The following TNKS variants were observed in gnomAD, a reference collection of about 807,000 sequenced individuals.
The protein encoded by TNKS is poly [ADP-ribose] polymerase tankyrase-1.
A neutral mutation model predicts 135.8 loss-of-function variants in TNKS; 72 were observed. The observed-to-expected ratio is 0.53, with a 90% confidence interval of 0.44 to 0.64. The LOEUF is 0.64. Among genes scored for constraint, TNKS ranks in the 30% least tolerant of loss-of-function variants. The probability of loss-of-function intolerance (pLI) is 0.00; values close to 1 mark genes in which losing one functional copy is unlikely to be tolerated. For missense variants in TNKS, 1,769 were observed against 1,674.0 expected, an observed-to-expected ratio of 1.06 and a Z score of -0.99; for synonymous variants, 849 against 649.3, an observed-to-expected ratio of 1.31 and a Z score of -4.68.
In TNKS at chr8:9,706,172, C is replaced by A; in HGVS notation, c.1203-15C>A. ...TTTGAAATTTAAGTATTTTAATTTG[C>A]CTCTTTTCATTTAGTGGACTTGTGC... On this transcript the variant is annotated splice_polypyrimidine_tract_variant and intron_variant, in intron 6 of 26. Coordinates refer to ENST00000310430, the MANE Select transcript of TNKS (RefSeq NM_003747.3). The A allele has an allele frequency of 2.6e-6, 4 of 1,552,140 alleles. No homozygotes were observed. The highest frequency in any genetic ancestry group is 1.3e-5 in the South Asian group (1 of 76,780).
intron 3 of TNKS, among the ~76,000 whole-genome samples, chr8:9,629,080 T>C (rs947685900): frequency 6.6e-6 from 1 of 152,232 alleles, no homozygotes; most frequent in Non-Finnish European, 1.5e-5. Context: ...CATTCTGATT[T>C]ATACTAGGTC....
At chr8:9,659,099 A>C (rs1175175023) in intron 3 of TNKS, among the ~76,000 whole-genome samples, 2 of 152,152 alleles carry the variant, frequency 1.3e-5, no homozygotes, top group Admixed American at 6.6e-5. Context: ...TCCTTAGTGA[A>C]GTACAAAGAG....
In TNKS at chr8:9,768,271, A is replaced by G. The variant is rs78442580; in HGVS notation, c.3741-1835A>G. Among the ~76,000 whole-genome samples the G allele has an allele frequency of 9.8e-4, 150 of 152,308 alleles. No homozygotes were observed. The East Asian group carries it at 0.028, about 28-fold the overall frequency. Reference sequence around the variant, plus strand: ...CCCAAAAGGAACTGAGGTGGAGAAGACAGCAGAGCAACCGCAGTGAGGTGC... The same window carrying G: ...CCCAAAAGGAACTGAGGTGGAGAAGGCAGCAGAGCAACCGCAGTGAGGTGC... On this transcript the variant is annotated intron_variant, in intron 25 of 26. Coordinates refer to ENST00000310430, the MANE Select transcript of TNKS (RefSeq NM_003747.3).
At chr8:9,560,493 CTTTTT>C (rs535715245) in intron 1 of TNKS, among the ~76,000 whole-genome samples, 19 of 42,304 alleles carry the variant, frequency 4.5e-4, no homozygotes, top group East Asian at 5.8e-4. Context: ...CCATACTTGT[CTTTTT>C]TTTTTTTTTT....
At chr8:9,735,182 A>G in intron 16 of TNKS, 98 bp downstream of exon 16, 1 of 1,253,978 alleles carries the variant, frequency 8.0e-7, no homozygotes, top group South Asian at 1.5e-5. Flanking sequence ...AAATGGGACT[A>G]CTTAGTAAAA....
At chr8:9,624,525 A>G (rs549565835) in intron 3 of TNKS, among the ~76,000 whole-genome samples, 2 of 152,364 alleles carry the variant, frequency 1.3e-5, no homozygotes, top group South Asian at 2.1e-4. Flanking sequence ...AACACCTTGC[A>G]GAACTGTAGT....
chr8:9,592,098 C>G (rs1200138826), intron 2 of TNKS, among the ~76,000 whole-genome samples: 1 of 152,152 alleles, frequency 6.6e-6, no homozygotes, highest in East Asian at 1.9e-4. Flanking sequence ...AAATAATTAT[C>G]TAAAATATGC....
At chr8:9,602,473 C>T (rs532226334) in intron 2 of TNKS, among the ~76,000 whole-genome samples, 1 of 152,304 alleles carries the variant, frequency 6.6e-6, no homozygotes, top group Admixed American at 6.5e-5. Flanking sequence ...TTCCCATCCT[C>T]TCTTGTTCCC....
Position 9,763,216 on chromosome 8 carries a change from A to G in TNKS, c.3344A>G (p.Asp1115Gly). The G allele has an allele frequency of 6.2e-7, 1 of 1,608,044 alleles. No individual in the cohort carries two copies. Residue 1115 changes from aspartate (D) to glycine (G), a missense_variant, in exon 22 of 27, where the codon GAT becomes GGT. Asp to Gly is a moderately conservative substitution (Grantham distance 94). Transcript: ENST00000310430. ...ATTTTGCTGGATCTTGCTCCAGAAGATAAAGAATATCAGTCAGTGGAAGAA... is the reference window on the plus strand; with the variant it reads ...ATTTTGCTGGATCTTGCTCCAGAAGGTAAAGAATATCAGTCAGTGGAAGAA... ...GTILLDLAPE[D>G]KEYQSVEEEM...
chr8:9,624,042 A>C (rs557383350), intron 3 of TNKS, among the ~76,000 whole-genome samples: 1 of 139,250 alleles, frequency 7.2e-6, no homozygotes, highest in Admixed American at 7.2e-5. Flanking sequence ...CAACAACAAA[A>C]AACAACTAAC....
At chr8:9,731,460 C>CAAAAAAAAAAA (rs36213271) in intron 14 of TNKS, among the ~76,000 whole-genome samples, 1 of 67,508 alleles carries the variant, frequency 1.5e-5, no homozygotes, top group Non-Finnish European at 2.8e-5. Flanking sequence ...AATTCCATCT[C>CAAAAAAAAAAA]AAAAAAAAAA....
intron 17 of TNKS, chr8:9,741,265 C>T (rs1046276304): frequency 2.6e-5 from 4 of 153,282 alleles, no homozygotes; most frequent in South Asian, 4.1e-4. Context: ...CCAATGGGAT[C>T]GGTAGAACTG....
At chr8:9,760,558 G>A (rs527439065) in intron 20 of TNKS, among the ~76,000 whole-genome samples, 80 of 152,222 alleles carry the variant, frequency 5.3e-4, no homozygotes, top group Non-Finnish European at 8.2e-4. Context: ...CCAAGGCAGG[G>A]GAAAATCAAA....
intron 3 of TNKS, among the ~76,000 whole-genome samples, chr8:9,634,273 A>C (rs554936296): frequency 8.1e-4 from 124 of 152,192 alleles, no homozygotes; most frequent in African/African-American, 2.8e-3. Flanking sequence ...ACATATTAAA[A>C]AATAAAATTA....
chr8:9,771,249 G>T (rs1221790894), intron 26 of TNKS, among the ~76,000 whole-genome samples: 1 of 141,020 alleles, frequency 7.1e-6, no homozygotes, highest in Non-Finnish European at 1.6e-5. Flanking sequence ...AAAGGAGGGA[G>T]GGAGGAAGGA....
chr8:9,593,959 T>C (rs1019730576), intron 2 of TNKS, among the ~76,000 whole-genome samples: 32 of 152,118 alleles, frequency 2.1e-4, no homozygotes, highest in African/African-American at 7.7e-4. Flanking sequence ...CGATCTCAGC[T>C]CACTGGAACC....
chr8:9,690,382 T>G (rs1398966891), intron 5 of TNKS, among the ~76,000 whole-genome samples: 2 of 152,230 alleles, frequency 1.3e-5, no homozygotes, highest in African/African-American at 4.8e-5. Context: ...TGTTCAATCT[T>G]ATCTGCTCTT....
At chr8:9,614,174 C>A (rs1050727292) in intron 2 of TNKS, among the ~76,000 whole-genome samples, 2 of 152,182 alleles carry the variant, frequency 1.3e-5, no homozygotes, top group African/African-American at 4.8e-5. Context: ...CATGTTGTTA[C>A]AATAGCTGTA....
chr8:9,725,663 T>C (rs1194325640), intron 12 of TNKS, among the ~76,000 whole-genome samples: 1 of 152,200 alleles, frequency 6.6e-6, no homozygotes, highest in Non-Finnish European at 1.5e-5. Flanking sequence ...TTGTCCAAAG[T>C]TGTAGATTAT....
Sources: allele counts gnomAD v4.1 joint callset (sites outside exome capture counted in the v4.1 genomes callset), GRCh38; gene constraint gnomAD v4.1.1; transcripts MANE v1.5; gene names NCBI Gene and HGNC (gene_info 2026-07-23, HGNC 2026-07-21).